Variants in STPG2 observed in about 807,000 individuals in gnomAD.
STPG2 encodes the protein sperm-tail PG-rich repeat-containing protein 2.
A neutral mutation model predicts 54.2 loss-of-function variants in STPG2; 56 were observed. That is an observed-to-expected ratio of 1.03 (90% CI 0.83 to 1.29). The LOEUF is 1.29. STPG2 is among the 50% of genes most tolerant of loss of function. The probability of loss-of-function intolerance (pLI) is 0.00; values close to 1 mark genes in which losing one functional copy is unlikely to be tolerated. For missense variants in STPG2, 596 were observed against 544.9 expected (o/e 1.09, Z -0.93); for synonymous variants, 200 against 181.8 (o/e 1.10, Z -0.81).
chr4:98,068,507 T>C (rs1737899496), intron 5 of STPG2, among the ~76,000 whole-genome samples: 1 of 152,158 alleles, frequency 6.6e-6, no homozygotes, highest in Non-Finnish European at 1.5e-5. Context: ...TATTTAAAAA[T>C]GACCACTAAT....
rs905209545 is a variant in STPG2 at position 97,522,399 on chromosome 4, A to T, written c.462+190300T>A. The stretch of plus-strand genomic sequence containing the variant: ...GTAGAGTTTAGAAGGTTTATTTTGT[A>T]GGTTTTTAAACTCATAATTTCAACT... On this transcript the variant is annotated intron_variant, in intron 4 of 4. Transcript: ENST00000522676. Among the ~76,000 whole-genome samples, 5 of 152,128 alleles carry T rather than the reference A, an allele frequency of 3.3e-5. No homozygotes were observed. The South Asian group carries it at 6.2e-4, about 19-fold the overall frequency.
intron 10 of STPG2, among the ~76,000 whole-genome samples, chr4:97,559,674 T>TTGCA (rs1732173606): frequency 1.3e-5 from 2 of 152,202 alleles, no homozygotes; most frequent in Admixed American, 6.6e-5. Flanking sequence ...ATTAGTTATT[T>TTGCA]TGCACTGATT....
intron 10 of STPG2, among the ~76,000 whole-genome samples, chr4:97,604,732 A>T (rs1733551357): frequency 1.3e-5 from 2 of 151,748 alleles, no homozygotes; most frequent in African/African-American, 4.8e-5. Flanking sequence ...TTGAGAAATG[A>T]AATATTTTAA....
intron 5 of STPG2, among the ~76,000 whole-genome samples, chr4:98,098,984 A>C (rs1024070302): frequency 1.3e-5 from 2 of 152,152 alleles, no homozygotes; most frequent in Admixed American, 6.5e-5. Flanking sequence ...ATGTGGAGGA[A>C]AGGAAACCCT....
At chr4:97,654,897 C>G (rs1722178222) in intron 10 of STPG2, among the ~76,000 whole-genome samples, 1 of 151,852 alleles carries the variant, frequency 6.6e-6, no homozygotes, top group South Asian at 2.1e-4. Context: ...ATATATTGGG[C>G]ATGAAAAACT....
rs190103008 is a variant in STPG2 at position 97,939,400 on chromosome 4, C to A, written c.1044+4497G>T. On this transcript the variant is annotated intron_variant, in intron 8 of 10. Transcript: ENST00000295268. ...GACTCAATGATCTGTCTAATACCGT[C>A]AGTGGGGTGTTGAAGTCTTATTGTG... 3.6e-3 allele frequency among the ~76,000 whole-genome samples: 544 copies of A among 152,272 alleles called. 5 individuals carry two copies. Among genetic ancestry groups the A allele is most frequent in the African/African-American group, 0.012 (517 of 41,568 alleles).
chr4:97,700,936 G>A (rs1251774276), intron 10 of STPG2, among the ~76,000 whole-genome samples: 2 of 152,186 alleles, frequency 1.3e-5, no homozygotes, highest in Admixed American at 1.3e-4. Context: ...GTCACCACTT[G>A]ATTAAGCTTA....
intron 10 of STPG2, among the ~76,000 whole-genome samples, chr4:97,684,492 T>C (rs1280573561): frequency 6.6e-6 from 1 of 151,908 alleles, no homozygotes; most frequent in African/African-American, 2.4e-5. Context: ...AGGATAATCT[T>C]TTCAACAAAG....
At chr4:97,785,912 C>A (rs1273470780) in intron 9 of STPG2, among the ~76,000 whole-genome samples, 2 of 151,796 alleles carry the variant, frequency 1.3e-5, no homozygotes, top group Non-Finnish European at 2.9e-5. Flanking sequence ...AGGAGTGAAG[C>A]TCCAAGAAAG....
At chr4:97,612,441 G>A (rs892622065) in intron 10 of STPG2, among the ~76,000 whole-genome samples, 2 of 152,010 alleles carry the variant, frequency 1.3e-5, no homozygotes, top group Admixed American at 6.6e-5. Context: ...TAAATACTCA[G>A]ACGATTGACC....
At chr4:98,126,805 T>A (rs903818492) in intron 3 of STPG2, among the ~76,000 whole-genome samples, 2 of 152,050 alleles carry the variant, frequency 1.3e-5, no homozygotes, top group Non-Finnish European at 2.9e-5. Context: ...AAAATAATAA[T>A]ATAAATATAT....
At position 97,538,944 on chromosome 4, in the gene STPG2, G is replaced by C. The variant is rs191995213; in HGVS notation, c.462+173755C>G. Among the ~76,000 whole-genome samples, 630 of 151,884 alleles carry C rather than the reference G, an allele frequency of 4.1e-3. 3 individuals are homozygous for C. Among genetic ancestry groups the C allele is most frequent in the South Asian group, 0.02 (98 of 4,792 alleles). On this transcript the variant is annotated intron_variant, in intron 4 of 4. Transcript: ENST00000522676. ...AGAATTTCATATCCAGCCAAACTAA[G>C]CTTCATAAGTGGAGGAGAAATAAAA...
intron 5 of STPG2, among the ~76,000 whole-genome samples, chr4:98,091,771 TAC>T (rs977210965): frequency 4.6e-5 from 7 of 151,928 alleles, no homozygotes; most frequent in Non-Finnish European, 5.9e-5. Flanking sequence ...TGTGTGTATA[TAC>T]ATATATATTC....
At chr4:97,489,707 A>C (rs1730456927) in intron 4 of STPG2, 1 of 151,624 alleles carries the variant, frequency 6.6e-6, no homozygotes, top group South Asian at 2.1e-4. Context: ...TAAGTTTACC[A>C]CTCGGGGTTT....
chr4:97,608,910 C>T (rs141633958), intron 10 of STPG2, among the ~76,000 whole-genome samples: 58 of 152,040 alleles, frequency 3.8e-4, no homozygotes, highest in African/African-American at 1.4e-3. Context: ...TTCTCAGCTC[C>T]CTGAAATGTG....
intron 5 of STPG2, among the ~76,000 whole-genome samples, chr4:98,073,793 C>A (rs143047055): frequency 6.6e-6 from 1 of 152,010 alleles, no homozygotes; most frequent in Admixed American, 6.6e-5. Flanking sequence ...TTTGGCACTG[C>A]ATATTTTAAA....
chr4:98,119,746 C>T (rs1272128529), intron 3 of STPG2, among the ~76,000 whole-genome samples: 1 of 152,034 alleles, frequency 6.6e-6, no homozygotes, highest in Non-Finnish European at 1.5e-5. Context: ...TCCCCCAAAC[C>T]TACCCCCAAT....
intron 8 of STPG2, among the ~76,000 whole-genome samples, chr4:97,902,822 A>G (rs573326180): frequency 1.0e-3 from 152 of 152,332 alleles, no homozygotes; most frequent in Middle Eastern, 3.4e-3. Context: ...TAAAATCAGT[A>G]TGTTGAAGAG....
chr4:97,532,054 A>G (rs1488415240), intron 4 of STPG2, among the ~76,000 whole-genome samples: 1 of 152,156 alleles, frequency 6.6e-6, no homozygotes, highest in Admixed American at 6.5e-5. Context: ...AAGCCCAACA[A>G]TAATTTTAAC....
Sources: gnomAD v4.1 joint callset for allele counts (sites outside exome capture counted in the v4.1 genomes callset) on GRCh38, gnomAD v4.1.1 for gene constraint, MANE v1.5 for transcripts, NCBI Gene and HGNC (gene_info 2026-07-23, HGNC 2026-07-21) for gene names.